Variants in PRTG observed in about 807,000 individuals in gnomAD.
The protein encoded by PRTG is immunoglobulin superfamily, DCC subclass, member 5.
PRTG carries 67 observed loss-of-function variants against 122.5 expected under a neutral mutation model. The observed-to-expected ratio is 0.55, with a 90% CI of 0.45 to 0.67. The LOEUF is 0.67. Among genes scored for constraint, PRTG ranks in the 30% least tolerant of loss-of-function variants. PRTG has a pLI of 0.00. For synonymous variants in PRTG, 554 were observed against 501.1 expected (o/e 1.11, Z -1.41); for missense variants, 1,435 against 1,415.4 (o/e 1.01, Z -0.22).
intron 16 of PRTG, among the ~76,000 whole-genome samples, chr15:55,628,454 C>T (rs1183500437): frequency 6.6e-6 from 1 of 151,796 alleles, no homozygotes; most frequent in East Asian, 1.9e-4. Context: ...TAATGAAAAC[C>T]ATGCTCTCTT....
intron 15 of PRTG, among the ~76,000 whole-genome samples, chr15:55,630,187 C>G (rs532656473): frequency 6.6e-6 from 1 of 152,052 alleles, no homozygotes; most frequent in African/African-American, 2.4e-5. Flanking sequence ...AGGGTTTCAC[C>G]GTGTTAGCCA....
chr15:55,638,645 C>T lies in PRTG; in HGVS notation c.2356G>A (p.Glu786Lys), dbSNP rs2059271597. 6.2e-7 allele frequency: 1 copy of T among 1,613,394 alleles called. No individual in the cohort carries two copies. The highest frequency in any genetic ancestry group is 1.3e-5 in the African/African-American group (1 of 74,862). The change falls in exon 14 of 20, where the codon GAA becomes AAA. Residue 786 changes from glutamate (E) to lysine (K), a missense_variant. Glu to Lys is a moderately conservative substitution (Grantham distance 56). Transcript: ENST00000389286. ...SETHMLVQGL[E>K]PNTKYEFAVR... The stretch of plus-strand genomic sequence containing the variant: ...GCAAATTCGTATTTGGTGTTTGGTT[C>T]TAGACCTTGAACCAACATGTGAGTT...
At position 55,628,845 on chromosome 15, in the gene PRTG, C is replaced by A. The variant is rs77440317; in HGVS notation, c.2783G>T (p.Arg928Leu). Residue 928 changes from arginine to leucine, a missense_variant, in exon 16 of 20, where the codon CGT (arginine) becomes CTT (leucine). Transcript: ENST00000389286. ...ACCTTTGGCATCAGCAGAATCTAAA[C>A]GCTTGGGCCTCTGATTTGATTCAGA... ...ETSESNQRPKRLDSADAKVYS... is the reference protein window; with the variant it reads ...ETSESNQRPKLLDSADAKVYS... The A allele has an allele frequency of 1.9e-6, 3 of 1,613,378 alleles. No homozygotes were observed. Among genetic ancestry groups the A allele is most frequent in the Non-Finnish European group, 2.5e-6 (3 of 1,179,640 alleles).
At chr15:55,620,553 T>A in intron 19 of PRTG, 110 bp downstream of exon 19, 2 of 1,421,676 alleles carry the variant, frequency 1.4e-6, no homozygotes, top group Non-Finnish European at 1.9e-6. Flanking sequence ...ATCACAGCCA[T>A]GAAGAACACA....
chr15:55,679,740 TG>T, intron 6 of PRTG: 1 of 424,178 alleles, frequency 2.4e-6, no homozygotes, highest in Non-Finnish European at 4.2e-6. Context: ...GCAGTGCAAG[TG>T]GCAATAATCA....
At position 55,624,344 on chromosome 15, in the gene PRTG, T is replaced by C. The variant is rs374795452; in HGVS notation, c.3091A>G (p.Lys1031Glu). Residue 1031 changes from lysine (K) to glutamate (E), a missense_variant and splice_region_variant, in exon 18 of 20, where the codon AAG becomes GAG. Coordinates refer to ENST00000389286, the MANE Select transcript of PRTG (RefSeq NM_173814.6). ...MIMPNSFIDAKGGTDLIINSY... is the reference protein window; with the variant it reads ...MIMPNSFIDAEGGTDLIINSY... ...CAGCAAATCCCGCAGCTCAGTACCT[T>C]TGCATCAATGAAGCTGTTTGGCATG... 101 of 1,613,886 alleles carry C rather than the reference T, an allele frequency of 6.3e-5. No individual in the cohort carries two copies. In the African/African-American group the frequency reaches 1.3e-3, roughly 20 times the overall value.
intron 2 of PRTG, among the ~76,000 whole-genome samples, chr15:55,701,099 A>G (rs557401804): frequency 7.2e-5 from 11 of 152,368 alleles, no homozygotes; most frequent in African/African-American, 2.4e-4. Flanking sequence ...AGAATGACTC[A>G]AATCCAAAAC....
intron 8 of PRTG, among the ~76,000 whole-genome samples, chr15:55,675,907 G>C (rs60926560): frequency 6.6e-6 from 1 of 152,074 alleles, no homozygotes; most frequent in Non-Finnish European, 1.5e-5. Context: ...AAACTGAAAA[G>C]AATTCATCTT....
At chr15:55,690,075 CGAA>C (rs1191864059) in intron 2 of PRTG, among the ~76,000 whole-genome samples, 1 of 152,052 alleles carries the variant, frequency 6.6e-6, no homozygotes, top group Non-Finnish European at 1.5e-5. Flanking sequence ...ATAACTGACA[CGAA>C]GGAGTTAATT....
At chr15:55,695,831 C>G (rs1595658975) in intron 2 of PRTG, among the ~76,000 whole-genome samples, 1 of 152,250 alleles carries the variant, frequency 6.6e-6, no homozygotes, top group South Asian at 2.1e-4. Context: ...ATTAGCCAGG[C>G]ATGGTGGTTC....
intron 15 of PRTG, among the ~76,000 whole-genome samples, chr15:55,635,074 G>GTGTGTGTGT (rs1567076962): frequency 0.033 from 4,412 of 135,256 alleles, 100 homozygotes; most frequent in Middle Eastern, 0.054. Context: ...GTTGGTTCTG[G>GTGTGTGTGT]GTGTGTGTGT....
At chr15:55,622,224 T>TTG (rs890486114) in intron 18 of PRTG, among the ~76,000 whole-genome samples, 2 of 149,288 alleles carry the variant, frequency 1.3e-5, no homozygotes, top group Non-Finnish European at 3.0e-5. Context: ...TTGTTTTTTT[T>TTG]TTTTTTTTTT....
chr15:55,664,427 G>A (rs2059427082), intron 11 of PRTG, among the ~76,000 whole-genome samples: 1 of 152,182 alleles, frequency 6.6e-6, no homozygotes, highest in Non-Finnish European at 1.5e-5. Context: ...ACAGGCGTGA[G>A]CCACTGCGCC....
At chr15:55,645,723 AAC>A (rs1567081586) in intron 11 of PRTG, among the ~76,000 whole-genome samples, 1 of 152,162 alleles carries the variant, frequency 6.6e-6, no homozygotes, top group Non-Finnish European at 1.5e-5. Flanking sequence ...GACCAGGGCC[AAC>A]ACTGTAAAAT....
chr15:55,673,626 T>C lies in PRTG; in HGVS notation c.1597A>G (p.Ile533Val). ...GGGATTGGCAGCCAGGAGATGAGAA[T>C]ATCAGTGGGACTTCGACTTGTCAAA... is the stretch of plus-strand genomic sequence containing the variant. ...ISLTSRSPTD[I>V]LISWLPIPAK... Residue 533 changes from isoleucine to valine, a missense_variant, in exon 10 of 20, where the codon ATT (isoleucine) becomes GTT (valine). By Grantham distance (29) the Ile-to-Val change is conservative (BLOSUM62 3). Coordinates refer to ENST00000389286, the MANE Select transcript of PRTG (RefSeq NM_173814.6). The C allele has an allele frequency of 6.8e-6, 11 of 1,614,186 alleles. No individual in the cohort carries two copies. The highest frequency in any genetic ancestry group is 9.3e-6 in the Non-Finnish European group (11 of 1,180,020).
Position 55,672,553 on chromosome 15 carries a change from T to C in PRTG, c.1933A>G (p.Thr645Ala), listed in dbSNP as rs757236112. 2.5e-5 allele frequency: 41 copies of C among 1,613,890 alleles called. No homozygotes were observed. Among genetic ancestry groups the C allele is most frequent in the Non-Finnish European group, 3.4e-5 (40 of 1,179,922 alleles). ...AGCTTGTAGCCCTGAATAGCAGCTG[T>C]GTCCTCTACATCTTGCTGCCACCTC... ...SVRWQQDVED[T>A]AAIQGYKLYY... is the part of the protein sequence containing the mutation. The change falls in exon 11 of 20, where the codon ACA becomes GCA. Residue 645 changes from threonine to alanine, a missense_variant. Coordinates refer to ENST00000389286, the MANE Select transcript of PRTG (RefSeq NM_173814.6).
chr15:55,657,971 T>G (rs114478643), intron 11 of PRTG, among the ~76,000 whole-genome samples: 2,746 of 152,292 alleles, frequency 0.018, 97 homozygotes, highest in African/African-American at 0.063. Context: ...CTGTGAACAT[T>G]AGGTTGCTGT....
chr15:55,640,720 G>C (rs1262843613), intron 12 of PRTG, among the ~76,000 whole-genome samples: 1 of 152,020 alleles, frequency 6.6e-6, no homozygotes, highest in Non-Finnish European at 1.5e-5. Flanking sequence ...ATTTGTTTAA[G>C]ATACTTTAGC....
intron 18 of PRTG, among the ~76,000 whole-genome samples, chr15:55,622,413 T>C (rs1447569253): frequency 6.9e-6 from 1 of 145,932 alleles, no homozygotes; most frequent in Non-Finnish European, 1.5e-5. Context: ...TGAGACAGTC[T>C]CGCTCTGTCA....
Sources: gnomAD v4.1 joint callset for allele counts (sites outside exome capture counted in the v4.1 genomes callset) on GRCh38, gnomAD v4.1.1 for gene constraint, MANE v1.5 for transcripts, NCBI Gene and HGNC (gene_info 2026-07-23, HGNC 2026-07-21) for gene names.